The following SPATA6 variants were observed in gnomAD, a reference collection of about 807,000 sequenced individuals.
SPATA6 encodes the protein spermatogenesis-associated protein 6.
Under a neutral mutation model 65.3 loss-of-function variants are expected in SPATA6, and 56 were observed. That is an observed-to-expected ratio of 0.86 (90% CI 0.69 to 1.07). The LOEUF (loss-of-function observed/expected upper bound fraction) is 1.07, where lower values mean the gene tolerates loss of function less well. Ranked by LOEUF, SPATA6 falls within the 50% of genes least tolerant of loss-of-function variation. The pLI is 0.00. For missense variants in SPATA6, 590 were observed against 594.8 expected (o/e 0.99, Z 0.08); for synonymous variants, 199 against 213.2 (o/e 0.93, Z 0.58).
At chr1:48,337,916 T>TTC (rs1269711587) in intron 11 of SPATA6, among the ~76,000 whole-genome samples, 1 of 151,998 alleles carries the variant, frequency 6.6e-6, no homozygotes, top group Admixed American at 6.6e-5. Flanking sequence ...AAAGCATAGA[T>TTC]TCAATGTAGT....
chr1:48,452,609 C>CCT (rs1280670854), intron 2 of SPATA6, among the ~76,000 whole-genome samples: 1 of 152,134 alleles, frequency 6.6e-6, no homozygotes, highest in African/African-American at 2.4e-5. Flanking sequence ...GTCTCGAACT[C>CCT]CTGACCTCAG....
chr1:48,337,680 A>C (rs1646097203), intron 11 of SPATA6, among the ~76,000 whole-genome samples: 1 of 151,944 alleles, frequency 6.6e-6, no homozygotes. Context: ...CAGATGACTA[A>C]AAGCAGGTAA....
In SPATA6 at chr1:48,399,736, C is replaced by A; in HGVS notation, c.487-92G>T. 3.3e-6 allele frequency: 4 copies of A among 1,222,932 alleles called. No individual in the cohort carries two copies. In the South Asian group the frequency reaches 6.5e-5, roughly 20 times the overall value. 75.8% of individuals were successfully genotyped at this position (1,222,932 alleles called of 1,614,324 possible). A position where few individuals can be genotyped will look rare whatever the true frequency, so the allele number is the denominator to read the frequency against. The stretch of plus-strand genomic sequence containing the variant: ...AAATTAAAAAGTAATTTAAATAAGA[C>A]GCAAAATCTATCAAAGCCAACTAGA... On this transcript the variant is annotated intron_variant, in intron 6 of 12. Transcript: ENST00000371847.
chr1:48,393,837 A>G (rs534396956), intron 8 of SPATA6, among the ~76,000 whole-genome samples: 1 of 152,200 alleles, frequency 6.6e-6, no homozygotes, highest in South Asian at 2.1e-4. Flanking sequence ...AGGAGAGCCC[A>G]AGCTCTCTGG....
intron 11 of SPATA6, among the ~76,000 whole-genome samples, chr1:48,351,349 T>A (rs1327498099): frequency 6.6e-6 from 1 of 151,980 alleles, no homozygotes; most frequent in Admixed American, 6.6e-5. Context: ...TTACATTGCC[T>A]AAGATTTTCA....
At chr1:48,416,486 T>A (rs1405893891) in intron 3 of SPATA6, among the ~76,000 whole-genome samples, 1 of 152,218 alleles carries the variant, frequency 6.6e-6, no homozygotes, top group Non-Finnish European at 1.5e-5. Context: ...TGTGTGTGTA[T>A]ATTTATGTAT....
downstream of SPATA6, among the ~76,000 whole-genome samples, chr1:48,292,589 G>A (rs1272738853): frequency 6.6e-6 from 1 of 152,252 alleles, no homozygotes; most frequent in Non-Finnish European, 1.5e-5. Flanking sequence ...TTATGTGGTG[G>A]CAAGAGGTGG....
intron 3 of SPATA6, among the ~76,000 whole-genome samples, chr1:48,438,779 C>G (rs1456626767): frequency 6.6e-6 from 1 of 152,116 alleles, no homozygotes; most frequent in Non-Finnish European, 1.5e-5. Context: ...TCTAGTTTCT[C>G]CTATAAGAGT....
At chr1:48,418,893 G>A (rs998006195) in intron 3 of SPATA6, among the ~76,000 whole-genome samples, 2 of 150,546 alleles carry the variant, frequency 1.3e-5, no homozygotes, top group African/African-American at 4.9e-5. Flanking sequence ...GGAGAGAGAA[G>A]AAAGGGAAGG....
At chr1:48,430,440 G>A (rs1654292793) in intron 3 of SPATA6, among the ~76,000 whole-genome samples, 1 of 152,010 alleles carries the variant, frequency 6.6e-6, no homozygotes, top group African/African-American at 2.4e-5. Context: ...AACTGACAAA[G>A]TTTATTACCA....
intron 11 of SPATA6, among the ~76,000 whole-genome samples, chr1:48,311,197 A>G (rs988372288): frequency 2.0e-5 from 3 of 152,170 alleles, no homozygotes; most frequent in African/African-American, 7.2e-5. Flanking sequence ...CAAAACAAGT[A>G]AAATACAAAC....
At chr1:48,372,931 G>T (rs1647459352) in intron 9 of SPATA6, among the ~76,000 whole-genome samples, 2 of 152,166 alleles carry the variant, frequency 1.3e-5, no homozygotes. Context: ...ACAGCACAGG[G>T]ACCCTGGGCC....
intron 11 of SPATA6, among the ~76,000 whole-genome samples, chr1:48,322,887 G>A (rs546150406): frequency 1.3e-5 from 2 of 152,328 alleles, no homozygotes; most frequent in Non-Finnish European, 2.9e-5. Context: ...TCTCATGCCA[G>A]TTAGAATGGC....
the SPATA6 span, among the ~76,000 whole-genome samples, chr1:48,275,373 T>C: frequency 2.0e-5 from 3 of 152,340 alleles, no homozygotes; most frequent in South Asian, 4.1e-4. Context: ...CTTCCAACAC[T>C]ATGTTGAATA....
At chr1:48,377,860 T>C (rs944617427) in intron 9 of SPATA6, among the ~76,000 whole-genome samples, 2 of 152,204 alleles carry the variant, frequency 1.3e-5, no homozygotes, top group East Asian at 3.9e-4. Flanking sequence ...AAGCAACCTT[T>C]ACATCTAGGT....
At chr1:48,429,310 G>A (rs1280752572) in intron 3 of SPATA6, among the ~76,000 whole-genome samples, 1 of 151,896 alleles carries the variant, frequency 6.6e-6, no homozygotes, top group Non-Finnish European at 1.5e-5. Flanking sequence ...CCCTTTTTGG[G>A]AGCCTTAAAG....
the SPATA6 span, among the ~76,000 whole-genome samples, chr1:48,283,805 T>C: frequency 6.6e-6 from 1 of 152,162 alleles, no homozygotes; most frequent in Non-Finnish European, 1.5e-5. Flanking sequence ...TCTACTGTTA[T>C]TCTGATGGGC....
chr1:48,392,248 C>G (rs1650146573), intron 8 of SPATA6, among the ~76,000 whole-genome samples: 1 of 151,974 alleles, frequency 6.6e-6, no homozygotes, highest in Admixed American at 6.6e-5. Flanking sequence ...AAAGAATCTT[C>G]AAATGAAGAG....
chr1:48,282,007 C>T, the SPATA6 span, among the ~76,000 whole-genome samples: 7 of 152,172 alleles, frequency 4.6e-5, no homozygotes, highest in African/African-American at 1.7e-4. Context: ...TGGAACAGAA[C>T]AGAGCCCTCA....
Sources: allele counts gnomAD v4.1 joint callset (sites outside exome capture counted in the v4.1 genomes callset), GRCh38; gene constraint gnomAD v4.1.1; transcripts MANE v1.5; gene names NCBI Gene and HGNC (gene_info 2026-07-23, HGNC 2026-07-21).